The following ZNF404 variants were observed in gnomAD, a reference collection of about 807,000 sequenced individuals.
ZNF404 encodes the protein zinc finger protein 404.
ZNF404 carries 7 observed loss-of-function variants against 7.3 expected under a neutral mutation model. The ratio of observed to expected loss-of-function variants is 0.95; its 90% CI spans 0.54 to 1.79. The LOEUF is 1.79. ZNF404 is among the 40% of genes most tolerant of loss of function. ZNF404 has a pLI of 0.00. For synonymous variants in ZNF404, 191 were observed against 209.9 expected, an observed-to-expected ratio of 0.91 and a Z score of 0.78; for missense variants, 560 against 661.5, an observed-to-expected ratio of 0.85 and a Z score of 1.68.
chr19:43,874,125 G>A (rs1971835588), intron 2 of ZNF404, 48 bp from the exon 3 acceptor site: 2 of 1,218,236 alleles, frequency 1.6e-6, no homozygotes, highest in South Asian at 1.6e-5. Context: ...CAATAATAGG[G>A]GTAGGGAGAG....
Position 43,873,366 on chromosome 19 carries a change from C to T in ZNF404, c.848G>A (p.Arg283His), listed in dbSNP as rs375525599. Residue 283 changes from arginine (R) to histidine (H), a missense_variant, in exon 3 of 3, where the codon CGT (arginine) becomes CAT (histidine). By Grantham distance (29) the Arg-to-His change is conservative. Transcript: ENST00000587539. ...TTTCTTATGTTGGTAAAGACTTGAACGATGACCAAAAGCCTTTCCACATTC... is the reference window on the plus strand; with the variant it reads ...TTTCTTATGTTGGTAAAGACTTGAATGATGACCAAAAGCCTTTCCACATTC... ...CKECGKAFGHRSSLYQHKKIH... is the reference protein window; with the variant it reads ...CKECGKAFGHHSSLYQHKKIH... 1.1e-5 allele frequency: 18 copies of T among 1,612,904 alleles called. No homozygotes were observed. The African/African-American group carries it at 1.5e-4, about 13-fold the overall frequency.
At chr19:43,875,486 T>G (rs974079651) in intron 2 of ZNF404, among the ~76,000 whole-genome samples, 80 of 152,186 alleles carry the variant, frequency 5.3e-4, no homozygotes, top group Non-Finnish European at 5.9e-5. Context: ...ATTGCACGAA[T>G]TAATATATTG....
At chr19:43,876,866 G>T (rs746158051) in intron 2 of ZNF404, among the ~76,000 whole-genome samples, 1 of 152,172 alleles carries the variant, frequency 6.6e-6, no homozygotes, top group East Asian at 1.9e-4. Flanking sequence ...AACCCAAATT[G>T]TCCGGCACTT....
rs1971821481 is a variant in ZNF404, at chr19:43,872,855, T to C, written c.1359A>G (p.Gln453=). The change falls in exon 3 of 3, where the codon CAA becomes CAG. Residue 453 remains glutamine (Q), a synonymous_variant. Coordinates refer to ENST00000587539, the MANE Select transcript of ZNF404 (RefSeq NM_001033719.3). This position sits in a 1 kb window ranked among gnomAD's most constrained non-coding sequence, Gnocchi z 4.4. ...ECGKTFRLNS[Q]LIYHQTIHTG... is the part of the protein sequence containing the mutation. ...TATGAATTGTCTGATGATAAATTAG[T>C]TGAGAATTAAGTCTAAAGGTTTTTC... 1 of 1,608,580 alleles carries C rather than the reference T, an allele frequency of 6.2e-7. No homozygotes were observed.
Position 43,872,523 on chromosome 19 carries a change from A to C in ZNF404, c.*32T>G. The stretch of plus-strand genomic sequence containing the variant: ...AGCATCATAATAGTGACAACAGTAA[A>C]AATGTGCCATGGCTAAAGGCTTTCC... On this transcript the variant is annotated 3_prime_UTR_variant, in exon 3 of 3. Transcript: ENST00000587539. The surrounding 1 kb of genome is among the most constrained non-coding windows in gnomAD (Gnocchi z 4.4). 2 of 1,507,084 alleles carry C rather than the reference A, an allele frequency of 1.3e-6. No individual in the cohort carries two copies. Among genetic ancestry groups the C allele is most frequent in the Non-Finnish European group, 1.8e-6 (2 of 1,125,130 alleles). The allele number at this position is 1,507,084 out of a possible 1,614,324, so 93.4% of individuals were successfully genotyped here.
intron 2 of ZNF404, among the ~76,000 whole-genome samples, chr19:43,877,208 C>A (rs944556657): frequency 1.3e-5 from 2 of 151,828 alleles, no homozygotes; most frequent in African/African-American, 4.8e-5. Flanking sequence ...AAAATTATTT[C>A]AAAATGAAAG....
chr19:43,882,732 G>A (rs1267401539), intron 1 of ZNF404, among the ~76,000 whole-genome samples: 3 of 150,728 alleles, frequency 2.0e-5, no homozygotes, highest in East Asian at 1.9e-4. Flanking sequence ...TTGAGGCTGC[G>A]GTAAACCTTG....
At chr19:43,882,973 T>C (rs138449100) in intron 1 of ZNF404, among the ~76,000 whole-genome samples, 10,463 of 151,454 alleles carry the variant, frequency 0.069, 1,180 homozygotes, top group African/African-American at 0.24. Flanking sequence ...TGGTGGCAGG[T>C]GCCTGTAATC....
Position 43,874,062 on chromosome 19 carries a change from G to A in ZNF404, c.152C>T (p.Thr51Ile), listed in dbSNP as rs1971835049. 1 of 1,565,488 alleles carries A rather than the reference G, an allele frequency of 6.4e-7. No individual in the cohort carries two copies. The highest frequency in any genetic ancestry group is 8.6e-7 in the Non-Finnish European group (1 of 1,163,858). Residue 51 changes from threonine to isoleucine, a missense_variant, in exon 3 of 3, where the codon ACT (threonine) becomes ATT (isoleucine). Physicochemically the swap from Thr to Ile is moderately conservative, Grantham distance 89. Coordinates refer to ENST00000587539, the MANE Select transcript of ZNF404 (RefSeq NM_001033719.3). ...NLVSLDFNFT[T>I]ESNKLSSEKR... is the part of the protein sequence containing the mutation. ...TTCTGAAGATAACTTGTTGCTTTCA[G>A]TTGTGAAATTAAAGTCTGGAAGAAA...
chr19:43,872,911 C>G lies in ZNF404; in HGVS notation c.1303G>C (p.Gly435Arg), dbSNP rs1188654785. The change falls in exon 3 of 3, where the codon GGG (glycine) becomes CGG (arginine). Residue 435 changes from glycine (G) to arginine (R), a missense_variant. Physicochemically the swap from Gly to Arg is moderately radical, Grantham distance 125. Transcript: ENST00000587539. This position sits in a 1 kb window ranked among gnomAD's most constrained non-coding sequence, Gnocchi z 4.4. The stretch of plus-strand genomic sequence containing the variant: ...TCCTTACATTCATAGGGTTTCTCCC[C>G]AGCATGAATTGATTGATGTGTCTTA... ...DLKTHQSIHAGEKPYECKECG... is the reference protein window; with the variant it reads ...DLKTHQSIHAREKPYECKECG... 6.2e-7 allele frequency: 1 copy of G among 1,607,830 alleles called. No individual in the cohort carries two copies. Among genetic ancestry groups the G allele is most frequent in the East Asian group, 2.2e-5 (1 of 44,738 alleles).
Position 43,873,878 on chromosome 19 carries a change from G to T in ZNF404, c.336C>A (p.Phe112Leu). ...PKVGCFSQMIFKKHKSLPLHK... is the reference protein window; with the variant it reads ...PKVGCFSQMILKKHKSLPLHK... ...GTAGAGGAAGGGATTTATGTTTTTT[G>T]AATATCATTTGACTAAAACATCCCA... The change falls in exon 3 of 3, where the codon TTC (phenylalanine) becomes TTA (leucine). Residue 112 changes from phenylalanine (F) to leucine (L), a missense_variant. Transcript: ENST00000587539. The T allele has an allele frequency of 6.2e-7, 1 of 1,612,522 alleles. No homozygotes were observed. Among genetic ancestry groups the T allele is most frequent in the South Asian group, 1.1e-5 (1 of 90,946 alleles).
At chr19:43,876,133 G>A (rs1568436577) in intron 2 of ZNF404, among the ~76,000 whole-genome samples, 1 of 152,100 alleles carries the variant, frequency 6.6e-6, no homozygotes, top group Non-Finnish European at 1.5e-5. Flanking sequence ...AGACCAACCT[G>A]GCCAACAATA....
chr19:43,873,870 T>A lies in ZNF404; in HGVS notation c.344A>T (p.His115Leu). ...GCFSQMIFKK[H>L]KSLPLHKRNN... ...TCTCTTATGTAGAGGAAGGGATTTA[T>A]GTTTTTTGAATATCATTTGACTAAA... The change falls in exon 3 of 3, where the codon CAT (histidine) becomes CTT (leucine). Residue 115 changes from histidine (H) to leucine (L), a missense_variant. Coordinates refer to ENST00000587539, the MANE Select transcript of ZNF404 (RefSeq NM_001033719.3). The A allele has an allele frequency of 6.2e-7, 1 of 1,613,018 alleles. No individual in the cohort carries two copies.
intron 2 of ZNF404, among the ~76,000 whole-genome samples, chr19:43,878,653 C>A (rs931734876): frequency 6.6e-6 from 1 of 152,160 alleles, no homozygotes; most frequent in Non-Finnish European, 1.5e-5. Flanking sequence ...CAGAACAATA[C>A]CTGAAAGTCA....
At chr19:43,883,723 G>A (rs959413499) in intron 1 of ZNF404, among the ~76,000 whole-genome samples, 1 of 152,088 alleles carries the variant, frequency 6.6e-6, no homozygotes, top group African/African-American at 2.4e-5. Context: ...CTGCTCTTGA[G>A]AGAAGACTGA....
At chr19:43,877,047 C>G (rs76842846) in intron 2 of ZNF404, among the ~76,000 whole-genome samples, 1 of 152,268 alleles carries the variant, frequency 6.6e-6, no homozygotes, top group East Asian at 1.9e-4. Flanking sequence ...AAAACTGGTA[C>G]ACTGAATAAA....
In ZNF404 at chr19:43,873,465, T is replaced by C. The variant is rs1355692633; in HGVS notation, c.749A>G (p.Glu250Gly). 6.2e-7 allele frequency: 1 copy of C among 1,613,614 alleles called. No individual in the cohort carries two copies. Among genetic ancestry groups the C allele is most frequent in the Non-Finnish European group, 8.5e-7 (1 of 1,179,682 alleles). Residue 250 changes from glutamate (E) to glycine (G), a missense_variant, in exon 3 of 3, where the codon GAA becomes GGA. Coordinates refer to ENST00000587539, the MANE Select transcript of ZNF404 (RefSeq NM_001033719.3). ...CATATGTCGATATAATCTAAACGTTTCCCCACATTCCTTACATTCAAAGGG... is the reference window on the plus strand; with the variant it reads ...CATATGTCGATATAATCTAAACGTTCCCCCACATTCCTTACATTCAAAGGG... ...LKPFECKECG[E>G]TFRLYRHMCL...
rs141633228 is a variant in ZNF404 at position 43,882,301 on chromosome 19, T to C, written c.9+1655A>G. ...TGGTGTAGGAACAACTGGATATCTA[T>C]ATGCAAAATAAATTATCCATACCTT... On this transcript the variant is annotated intron_variant, in intron 1 of 2. Coordinates refer to ENST00000587539, the MANE Select transcript of ZNF404 (RefSeq NM_001033719.3). Among the ~76,000 whole-genome samples the C allele has an allele frequency of 1.6e-3, 238 of 152,348 alleles. 1 individual carries two copies. The highest frequency in any genetic ancestry group is 5.3e-3 in the African/African-American group (220 of 41,588).
intron 2 of ZNF404, among the ~76,000 whole-genome samples, chr19:43,876,663 GA>G (rs1214165825): frequency 7.2e-5 from 11 of 152,094 alleles, no homozygotes; most frequent in African/African-American, 2.4e-4. Context: ...AACAGAATAT[GA>G]AAAGGGAAAA....
Sources: gnomAD v4.1 joint callset for allele counts (sites outside exome capture counted in the v4.1 genomes callset) on GRCh38, gnomAD v4.1.1 for gene constraint, Gnocchi (gnomAD v3.1) non-coding constraint, MANE v1.5 for transcripts, NCBI Gene and HGNC (gene_info 2026-07-23, HGNC 2026-07-21) for gene names.